The following NIBAN1 variants were observed in gnomAD, a reference collection of about 807,000 sequenced individuals.
NIBAN1 encodes the protein niban apoptosis regulator 1, also known as protein Niban 1.
NIBAN1 carries 81 observed loss-of-function variants against 75.1 expected under a neutral mutation model. The ratio of observed to expected loss-of-function variants is 1.08; its 90% CI spans 0.90 to 1.30. The LOEUF (loss-of-function observed/expected upper bound fraction) is 1.30, where lower values mean the gene tolerates loss of function less well. Ranked by LOEUF, NIBAN1 falls within the 50% of genes most tolerant of loss-of-function variation. The probability of loss-of-function intolerance (pLI) is 0.00; values close to 1 mark genes in which losing one functional copy is unlikely to be tolerated. For missense variants in NIBAN1, 1,133 were observed against 1,128.1 expected (o/e 1.00, Z -0.06); for synonymous variants, 436 against 424.8 (o/e 1.03, Z -0.32).
intron 1 of NIBAN1, among the ~76,000 whole-genome samples, chr1:184,972,396 C>T (rs1557936805): frequency 6.6e-6 from 1 of 152,246 alleles, no homozygotes; most frequent in Admixed American, 6.5e-5. Flanking sequence ...AATCACAGCC[C>T]TGTGACCCTC....
At chr1:184,917,322 CTCCCGAG>C (rs1298192624) in intron 1 of NIBAN1, among the ~76,000 whole-genome samples, 1 of 151,484 alleles carries the variant, frequency 6.6e-6, no homozygotes, top group Non-Finnish European at 1.5e-5. Flanking sequence ...CTGCCTCAGC[CTCCCGAG>C]TAGCTGGGAC....
chr1:184,811,218 T>C (rs552917922), intron 9 of NIBAN1, among the ~76,000 whole-genome samples: 1 of 152,302 alleles, frequency 6.6e-6, no homozygotes, highest in East Asian at 1.9e-4. Context: ...GTTATAAAAT[T>C]TGGCTTTTGA....
rs573874905 is a variant in NIBAN1, at chr1:184,971,022, A to C, written c.55+3280T>G. ...AAAAAGAGGCCGGGCATGGTGACTCATGCCTGTAATCCCAGCACTTTGGGA... is the reference window on the plus strand; with the variant it reads ...AAAAAGAGGCCGGGCATGGTGACTCCTGCCTGTAATCCCAGCACTTTGGGA... On this transcript the variant is annotated intron_variant, in intron 1 of 13. Transcript: ENST00000367511. 2.2e-4 allele frequency among the ~76,000 whole-genome samples: 34 copies of C among 152,300 alleles called. 1 individual carries two copies. The South Asian group carries it at 7.0e-3, about 32-fold the overall frequency.
chr1:184,854,462 T>C (rs377008676), intron 5 of NIBAN1, among the ~76,000 whole-genome samples: 1 of 152,204 alleles, frequency 6.6e-6, no homozygotes, highest in Non-Finnish European at 1.5e-5. Flanking sequence ...TAAAATAAAC[T>C]TGTAACAAGT....
Position 184,827,953 on chromosome 1 carries a change from G to GTTTTTT in NIBAN1, c.717+3888_717+3893dup, listed in dbSNP as rs1174066517. On this transcript the variant is annotated intron_variant, in intron 6 of 13. Coordinates refer to ENST00000367511, the MANE Select transcript of NIBAN1 (RefSeq NM_052966.4). ...AAGGCCTAAAAATGCGGGTAGTTTT[G>GTTTTTT]TTTTTTGTTTTTTTTTTTTTTTTCC... 1.1e-3 allele frequency among the ~76,000 whole-genome samples: 112 copies of GTTTTTT among 100,060 alleles called. 19 individuals are homozygous for GTTTTTT. Among genetic ancestry groups the GTTTTTT allele is most frequent in the Non-Finnish European group, 1.5e-3 (64 of 44,118 alleles). 65.6% of individuals were successfully genotyped at this position (100,060 alleles called of 152,430 possible).
chr1:184,869,074 A>G (rs1283944343), intron 5 of NIBAN1, among the ~76,000 whole-genome samples: 1 of 152,104 alleles, frequency 6.6e-6, no homozygotes, highest in Admixed American at 6.5e-5. Context: ...CTTAGGACCC[A>G]CCCCAGGCCA....
At chr1:184,869,543 A>C (rs963960538) in intron 5 of NIBAN1, among the ~76,000 whole-genome samples, 1 of 149,354 alleles carries the variant, frequency 6.7e-6, no homozygotes, top group Non-Finnish European at 1.5e-5. Context: ...ATTTGCATTC[A>C]CTACTTTTTT....
rs1184896129 is a variant in NIBAN1, at chr1:184,823,172, A to T, written c.980T>A (p.Ile327Asn). Residue 327 changes from isoleucine to asparagine, a missense_variant, in exon 8 of 14, where the codon ATC becomes AAC. Physicochemically the swap from Ile to Asn is moderately radical, Grantham distance 149. Transcript: ENST00000367511. Reference protein sequence around the residue: ...VNSKNYLIGKIKAMVAQPAEK... With the variant: ...VNSKNYLIGKNKAMVAQPAEK... ...CATGGATTATCTCTACTGACCTTTGATCTTTCCAATTAAATAGTTCTTTGA... is the reference window on the plus strand; with the variant it reads ...CATGGATTATCTCTACTGACCTTTGTTCTTTCCAATTAAATAGTTCTTTGA... 1 of 1,614,102 alleles carries T rather than the reference A, an allele frequency of 6.2e-7. No individual in the cohort carries two copies. The highest frequency in any genetic ancestry group is 1.1e-5 in the South Asian group (1 of 91,082).
chr1:184,884,042 G>C (rs1346430188), intron 5 of NIBAN1, among the ~76,000 whole-genome samples: 2 of 152,136 alleles, frequency 1.3e-5, no homozygotes, highest in Middle Eastern at 3.4e-3. Flanking sequence ...ATAAACTCAG[G>C]ACAGTCAGAA....
intron 9 of NIBAN1, among the ~76,000 whole-genome samples, chr1:184,814,686 T>C (rs891680328): frequency 6.6e-6 from 1 of 152,232 alleles, no homozygotes; most frequent in Non-Finnish European, 1.5e-5. Context: ...CCTGTGGTAT[T>C]TGACAAACCT....
intron 11 of NIBAN1, among the ~76,000 whole-genome samples, chr1:184,804,565 G>C (rs1654136244): frequency 6.6e-6 from 1 of 152,160 alleles, no homozygotes; most frequent in Admixed American, 6.5e-5. Flanking sequence ...ACCACCCCTT[G>C]AGGGAACCTG....
intron 1 of NIBAN1, among the ~76,000 whole-genome samples, chr1:184,957,935 G>T (rs61823957): frequency 6.6e-6 from 1 of 152,106 alleles, no homozygotes; most frequent in Non-Finnish European, 1.5e-5. Context: ...TTTAAAGTTA[G>T]CTTAAAGTGG....
chr1:184,826,186 T>A (rs1013724491), intron 6 of NIBAN1, among the ~76,000 whole-genome samples: 1 of 152,184 alleles, frequency 6.6e-6, no homozygotes, highest in African/African-American at 2.4e-5. Flanking sequence ...GCTCCTGTCA[T>A]CTGCCAAGTG....
At chr1:184,959,879 C>T (rs1000998341) in intron 1 of NIBAN1, among the ~76,000 whole-genome samples, 3 of 152,186 alleles carry the variant, frequency 2.0e-5, no homozygotes, top group Non-Finnish European at 4.4e-5. Context: ...CCCTATAAAT[C>T]AGAGACACAT....
intron 1 of NIBAN1, among the ~76,000 whole-genome samples, chr1:184,942,821 C>T (rs1310503080): frequency 6.6e-6 from 1 of 151,970 alleles, no homozygotes; most frequent in African/African-American, 2.4e-5. Flanking sequence ...CACCTTGTAA[C>T]TCTGCACTGA....
intron 13 of NIBAN1, 106 bp from the exon 14 acceptor site, chr1:184,796,203 CT>C: frequency 7.9e-7 from 1 of 1,258,248 alleles, no homozygotes; most frequent in Non-Finnish European, 1.1e-6. Context: ...CAAGACCCAG[CT>C]TACATCCAGG....
At chr1:184,838,205 G>A (rs901600575) in intron 5 of NIBAN1, among the ~76,000 whole-genome samples, 4 of 152,008 alleles carry the variant, frequency 2.6e-5, no homozygotes, top group East Asian at 1.9e-4. Flanking sequence ...TTTTGACTTC[G>A]AAGGACAGAT....
At chr1:184,830,510 A>C (rs1654968447) in intron 6 of NIBAN1, among the ~76,000 whole-genome samples, 1 of 152,188 alleles carries the variant, frequency 6.6e-6, no homozygotes, top group Non-Finnish European at 1.5e-5. Flanking sequence ...AAAGAGAGAG[A>C]GAGAAAGAGA....
intron 1 of NIBAN1, among the ~76,000 whole-genome samples, chr1:184,957,993 C>T (rs145830197): frequency 3.5e-4 from 54 of 152,226 alleles, no homozygotes; most frequent in Non-Finnish European, 6.5e-4. Context: ...TTAGGTGTTG[C>T]TAACATTTAG....
Sources: gnomAD v4.1 joint callset for allele counts (sites outside exome capture counted in the v4.1 genomes callset) on GRCh38, gnomAD v4.1.1 for gene constraint, MANE v1.5 for transcripts, NCBI Gene and HGNC (gene_info 2026-07-23, HGNC 2026-07-21) for gene names.